Variants in SERPIND1 observed in about 807,000 individuals in gnomAD.
SERPIND1 encodes the protein serpin family D member 1.
Under a neutral mutation model 35.0 loss-of-function variants are expected in SERPIND1, and 34 were observed. That is an observed-to-expected ratio of 0.97 (90% CI 0.74 to 1.29). The LOEUF (loss-of-function observed/expected upper bound fraction) is 1.29. SERPIND1 is among the 50% of genes most tolerant of loss of function. SERPIND1 has a pLI of 0.00. For missense variants in SERPIND1, 633 were observed against 637.7 expected, an observed-to-expected ratio of 0.99 and a Z score of 0.08; for synonymous variants, 236 against 241.1, an observed-to-expected ratio of 0.98 and a Z score of 0.19.
rs532370361 is a variant in SERPIND1, at chr22:20,779,478, C to T, written c.166C>T (p.Pro56Ser). The T allele has an allele frequency of 8.7e-6, 14 of 1,614,168 alleles. No individual in the cohort carries two copies. The South Asian group carries it at 1.3e-4, about 15-fold the overall frequency. The stretch of plus-strand genomic sequence containing the variant: ...CAAAAACCTGAGCATGCCTCTTCTC[C>T]CTGCCGACTTCCACAAGGAAAACAC... ...NNKNLSMPLLPADFHKENTVT... is the reference protein window; with the variant it reads ...NNKNLSMPLLSADFHKENTVT... Residue 56 changes from proline (P) to serine (S), a missense_variant, in exon 2 of 5, where the codon CCT becomes TCT. Physicochemically the swap from Pro to Ser is moderately conservative, Grantham distance 74 (BLOSUM62 -1). Transcript: ENST00000215727.
chr22:20,782,881 T>C (rs992542794), intron 2 of SERPIND1, among the ~76,000 whole-genome samples: 1 of 152,172 alleles, frequency 6.6e-6, no homozygotes, highest in Non-Finnish European at 1.5e-5. Context: ...CGAGCTTCAC[T>C]CACAGGCAGG....
chr22:20,786,746 T>C (rs544128118), intron 4 of SERPIND1, 129 bp from the exon 5 acceptor site: 2 of 955,648 alleles, frequency 2.1e-6, no homozygotes, highest in Non-Finnish European at 3.3e-6. Flanking sequence ...AGAGTGACTC[T>C]GACCAGCTGT....
intron 2 of SERPIND1, among the ~76,000 whole-genome samples, chr22:20,783,724 G>A (rs2147503764): frequency 6.6e-6 from 1 of 152,290 alleles, no homozygotes; most frequent in Middle Eastern, 3.4e-3. Context: ...GCCTTACCAT[G>A]GTCAAACAAC....
intron 2 of SERPIND1, among the ~76,000 whole-genome samples, chr22:20,781,805 C>T (rs1490150205): frequency 1.3e-5 from 2 of 152,204 alleles, no homozygotes; most frequent in African/African-American, 2.4e-5. Flanking sequence ...AGAGTCTAAG[C>T]GCTGGTTTCA....
rs771285493 is a variant in SERPIND1 at position 20,779,961 on chromosome 22, A to G, written c.649A>G (p.Thr217Ala). The G allele has an allele frequency of 1.2e-6, 2 of 1,614,242 alleles. No homozygotes were observed. Among genetic ancestry groups the G allele is most frequent in the Non-Finnish European group, 1.7e-6 (2 of 1,180,050 alleles). Residue 217 changes from threonine to alanine, a missense_variant, in exon 2 of 5, where the codon ACA becomes GCA. Coordinates refer to ENST00000215727, the MANE Select transcript of SERPIND1 (RefSeq NM_000185.4). ...CCTCTTCAGGAGGAATTTTGGGTAC[A>G]CACTGCGGTCAGTCAATGACCTTTA... ...HRLFRRNFGY[T>A]LRSVNDLYIQ...
Position 20,786,006 on chromosome 22 carries a change from C to A in SERPIND1, c.1166C>A (p.Thr389Asn), listed in dbSNP as rs1569031502. The A allele has an allele frequency of 4.3e-6, 7 of 1,614,156 alleles. No individual in the cohort carries two copies. The highest frequency in any genetic ancestry group is 4.2e-6 in the Non-Finnish European group (5 of 1,180,030). Reference protein sequence around the residue: ...ERWQKSMTNRTREVLLPKFKL... With the variant: ...ERWQKSMTNRNREVLLPKFKL... ...CCCCCCTTTCCTTTTCTGTCTAGAA[C>A]TCGAGAAGTGCTTCTGCCGAAATTC... Residue 389 changes from threonine (T) to asparagine (N), a missense_variant and splice_region_variant, in exon 4 of 5, where the codon ACT (threonine) becomes AAT (asparagine). Coordinates refer to ENST00000215727, the MANE Select transcript of SERPIND1 (RefSeq NM_000185.4).
chr22:20,780,893 AT>A (rs1409786810), intron 2 of SERPIND1, among the ~76,000 whole-genome samples: 1 of 152,146 alleles, frequency 6.6e-6, no homozygotes, highest in African/African-American at 2.4e-5. Context: ...GGAAGAAATA[AT>A]ACAAAAACTG....
chr22:20,780,103 A>T lies in SERPIND1; in HGVS notation c.791A>T (p.Asn264Ile). The change falls in exon 2 of 5, where the codon AAC becomes ATC. Residue 264 changes from asparagine (N) to isoleucine (I), a missense_variant. Transcript: ENST00000215727. ...SDPAFISKTN[N>I]HIMKLTKGLI... ...CCTGCCTTCATATCAAAAACCAACA[A>T]CCACATCATGAAGCTCACCAAGGGC... The T allele has an allele frequency of 1.2e-6, 2 of 1,614,096 alleles. No individual in the cohort carries two copies. The highest frequency in any genetic ancestry group is 1.3e-5 in the African/African-American group (1 of 75,004).
Position 20,786,150 on chromosome 22 carries a change from T to C in SERPIND1, c.1308+2T>C. On this transcript the variant is annotated splice_donor_variant, in intron 4 of 4. Transcript: ENST00000215727. LOFTEE classifies it high-confidence loss of function. ...GACCAAAGGATCGCCATCGACCTGG[T>C]AACCACTCCCTTGTCCACCCCCGAC... The C allele has an allele frequency of 5.0e-6, 8 of 1,613,976 alleles. No homozygotes were observed. The highest frequency in any genetic ancestry group is 6.8e-6 in the Non-Finnish European group (8 of 1,179,988).
Position 20,780,185 on chromosome 22 carries a change from C to T in SERPIND1, c.873C>T (p.Asn291=). 1.9e-6 allele frequency: 3 copies of T among 1,614,234 alleles called. No homozygotes were observed. Among genetic ancestry groups the T allele is most frequent in the Non-Finnish European group, 2.5e-6 (3 of 1,180,042 alleles). Residue 291 remains asparagine, a synonymous_variant, in exon 2 of 5, where the codon AAC becomes AAT. Transcript: ENST00000215727. ...IDPATQMMIL[N]CIYFKGSWVN... is the part of the protein sequence containing the mutation. ...CTGCTACCCAGATGATGATTCTCAA[C>T]TGCATCTACTTCAAAGGTAAGAGGC...
intron 1 of SERPIND1, among the ~76,000 whole-genome samples, chr22:20,778,704 G>A (rs1221474117): frequency 6.6e-6 from 1 of 152,100 alleles, no homozygotes; most frequent in Non-Finnish European, 1.5e-5. Context: ...TCCCACTAAT[G>A]CACATCCCTT....
Position 20,786,959 on chromosome 22 carries a change from AC to A in SERPIND1, c.1396del (p.Gln466LysfsTer42). 1 of 1,614,064 alleles carries A rather than the reference AC, an allele frequency of 6.2e-7. No individual in the cohort carries two copies. Among genetic ancestry groups the A allele is most frequent in the Non-Finnish European group, 8.5e-7 (1 of 1,180,020 alleles). On this transcript the variant is annotated frameshift_variant, in exon 5 of 5. Coordinates refer to ENST00000215727, the MANE Select transcript of SERPIND1 (RefSeq NM_000185.4). LOFTEE classifies it high-confidence loss of function. ...CACGGTGGGGTTCATGCCGCTGTCC[AC>A]CCAAGTCCGCTTCACTGTCGACCGC... ...VTTVGFMPLS[T>X]QVRFTVDRPF...
intron 3 of SERPIND1, 105 bp downstream of exon 3, chr22:20,784,350 G>A: frequency 6.7e-7 from 1 of 1,489,028 alleles, no homozygotes; most frequent in East Asian, 2.4e-5. Flanking sequence ...TTATGTACAA[G>A]TACCCAAGAA....
chr22:20,782,284 C>A (rs975203200), intron 2 of SERPIND1, among the ~76,000 whole-genome samples: 1 of 152,178 alleles, frequency 6.6e-6, no homozygotes, highest in African/African-American at 2.4e-5. Context: ...GGTCAGTTGA[C>A]AATCTCCTAA....
intron 1 of SERPIND1, 82 bp from the exon 2 acceptor site, chr22:20,779,215 A>C: frequency 6.2e-7 from 1 of 1,603,384 alleles, no homozygotes; most frequent in Non-Finnish European, 8.5e-7. Context: ...GGTCAAAGCC[A>C]CAGGGAACCT....
chr22:20,778,487 G>C (rs1933481711), intron 1 of SERPIND1, among the ~76,000 whole-genome samples: 1 of 152,130 alleles, frequency 6.6e-6, no homozygotes, highest in Non-Finnish European at 1.5e-5. Context: ...CTGGGTGACA[G>C]AGTGAGACTC....
intron 1 of SERPIND1, among the ~76,000 whole-genome samples, chr22:20,778,827 C>T (rs1016543952): frequency 6.6e-6 from 1 of 152,162 alleles, no homozygotes. Context: ...GAGCCACACC[C>T]CTTTCCGTAC....
chr22:20,783,915 G>C, intron 2 of SERPIND1, 57 bp from the exon 3 acceptor site: 1 of 1,610,028 alleles, frequency 6.2e-7, no homozygotes, highest in Non-Finnish European at 8.5e-7. Context: ...TCTCAAGGGT[G>C]AGACGATTTC....
In SERPIND1 at chr22:20,779,537, GGAC is replaced by G. The variant is rs973936444; in HGVS notation, c.232_234del (p.Asp78del). The G allele has an allele frequency of 3.0e-5, 48 of 1,613,918 alleles. No homozygotes were observed. The highest frequency in any genetic ancestry group is 4.0e-5 in the Non-Finnish European group (47 of 1,179,872). On this transcript the variant is annotated inframe_deletion, in exon 2 of 5. Transcript: ENST00000215727. ...ACGACTGGATTCCAGAGGGGGAGGA[GGAC>G]GACGACTATCTGGACCTGGAGAAGA...
Sources: gnomAD v4.1 joint callset for allele counts (sites outside exome capture counted in the v4.1 genomes callset) on GRCh38, gnomAD v4.1.1 for gene constraint, MANE v1.5 for transcripts, NCBI Gene and HGNC (gene_info 2026-07-23, HGNC 2026-07-21) for gene names.